CFH: variants seen among roughly 807,000 people sequenced by gnomAD.
CFH encodes the protein complement factor H.
CFH carries 53 observed loss-of-function variants against 147.3 expected under a neutral mutation model. That is an observed-to-expected ratio of 0.36 (90% CI 0.29 to 0.45). CFH has a LOEUF of 0.45. Ranked by LOEUF, CFH falls within the 20% of genes least tolerant of loss-of-function variation. The probability of loss-of-function intolerance (pLI) is 1.00; values close to 1 mark genes in which losing one functional copy is unlikely to be tolerated. For missense variants in CFH, 1,380 were observed against 1,498.0 expected (o/e 0.92, Z 1.30); for synonymous variants, 536 against 489.4 (o/e 1.10, Z -1.26).
rs147698841 is a variant in CFH at position 196,667,184 on chromosome 1, G to A, written c.59-5794G>A. 1.2e-3 allele frequency among the ~76,000 whole-genome samples: 179 copies of A among 152,252 alleles called. 3 individuals are homozygous for A. In the East Asian group the frequency reaches 0.032, roughly 28 times the overall value. On this transcript the variant is annotated intron_variant, in intron 1 of 21. Transcript: ENST00000367429. ...TATGCAAAGAGGCATGCTGGTAAAT[G>A]TAAAACAACCAACTATTTTTTAAAA...
intron 11 of CFH, among the ~76,000 whole-genome samples, chr1:196,720,610 T>A (rs911603267): frequency 6.6e-6 from 1 of 151,980 alleles, no homozygotes; most frequent in Non-Finnish European, 1.5e-5. Flanking sequence ...TCTGAAGGCA[T>A]GATTTTATTC....
intron 1 of CFH, among the ~76,000 whole-genome samples, chr1:196,655,304 A>G (rs1666650128): frequency 6.6e-6 from 1 of 152,168 alleles, no homozygotes; most frequent in East Asian, 1.9e-4. Context: ...AGTGAGTGCT[A>G]TAAGAGAAGG....
chr1:196,727,035 T>C, intron 14 of CFH, 95 bp downstream of exon 14: 2 of 1,086,762 alleles, frequency 1.8e-6, no homozygotes, highest in Admixed American at 1.8e-5. Flanking sequence ...TTTACAGATA[T>C]GCCTCAACAT....
intron 19 of CFH, 102 bp downstream of exon 19, chr1:196,742,153 T>C: frequency 2.8e-6 from 3 of 1,069,102 alleles, no homozygotes; most frequent in Non-Finnish European, 4.2e-6. Context: ...GGTGGGCGGA[T>C]CACTTGAGGT....
Position 196,743,550 on chromosome 1 carries a change from A to T in CFH, c.3232A>T (p.Arg1078Trp), listed in dbSNP as rs754045401. ...PSGERVRYQCRSPYEMFGDEE... is the reference protein window; with the variant it reads ...PSGERVRYQCWSPYEMFGDEE... ...TGGTGAGAGAGTACGTTATCAATGT[A>T]GGAGCCCTTATGAAATGTTTGGGGA... The change falls in exon 20 of 22, where the codon AGG becomes TGG. Residue 1078 changes from arginine to tryptophan, a missense_variant. Physicochemically the swap from Arg to Trp is moderately radical, Grantham distance 101. Coordinates refer to ENST00000367429, the MANE Select transcript of CFH (RefSeq NM_000186.4). The T allele has an allele frequency of 1.2e-6, 2 of 1,614,086 alleles. No homozygotes were observed. The highest frequency in any genetic ancestry group is 1.1e-5 in the South Asian group (1 of 91,084).
intron 1 of CFH, among the ~76,000 whole-genome samples, chr1:196,656,532 C>T (rs895855842): frequency 2.6e-5 from 4 of 152,072 alleles, no homozygotes; most frequent in Admixed American, 6.6e-5. Flanking sequence ...CTGTCTACTA[C>T]GCTTTTTCCA....
At chr1:196,704,376 A>G (rs887058231) in intron 9 of CFH, among the ~76,000 whole-genome samples, 2 of 152,182 alleles carry the variant, frequency 1.3e-5, no homozygotes, top group Non-Finnish European at 2.9e-5. Flanking sequence ...AGCTGGGATT[A>G]CAGGTGTGAG....
intron 1 of CFH, among the ~76,000 whole-genome samples, chr1:196,664,114 G>C (rs1666997718): frequency 6.6e-6 from 1 of 152,042 alleles, no homozygotes; most frequent in African/African-American, 2.4e-5. Flanking sequence ...GGAGTGCGGT[G>C]ACATGATCAT....
Position 196,713,723 on chromosome 1 carries a change from CT to C in CFH, c.1337-10del. The C allele has an allele frequency of 6.6e-7, 1 of 1,525,504 alleles. No homozygotes were observed. The highest frequency in any genetic ancestry group is 1.7e-5 in the Admixed American group (1 of 58,938). The allele number at this position is 1,525,504 out of a possible 1,614,324, so 94.5% of individuals were successfully genotyped here. A position where few individuals can be genotyped will look rare whatever the true frequency, so the allele number is the denominator to read the frequency against. On this transcript the variant is annotated splice_polypyrimidine_tract_variant and intron_variant, in intron 9 of 21. Coordinates refer to ENST00000367429, the MANE Select transcript of CFH (RefSeq NM_000186.4). Reference sequence around the variant, plus strand: ...CATATGCTTGTCTTTTTCTTATTCTCTTCCCTTTTAGAAACATGTTCCAAAT... The same window carrying C: ...CATATGCTTGTCTTTTTCTTATTCTCTCCCTTTTAGAAACATGTTCCAAAT...
chr1:196,697,354 C>G (rs1344795108), intron 9 of CFH, among the ~76,000 whole-genome samples: 1 of 152,168 alleles, frequency 6.6e-6, no homozygotes, highest in Admixed American at 6.5e-5. Flanking sequence ...AGGATATGAA[C>G]AGACACTTCT....
At chr1:196,721,613 AT>A (rs1558176737) in intron 11 of CFH, among the ~76,000 whole-genome samples, 1 of 151,812 alleles carries the variant, frequency 6.6e-6, no homozygotes, top group South Asian at 2.1e-4. Flanking sequence ...TTCTTTGTTT[AT>A]TTTTTTGTCC....
chr1:196,727,724 TC>T (rs759382392), intron 14 of CFH, among the ~76,000 whole-genome samples: 179 of 152,166 alleles, frequency 1.2e-3, no homozygotes, highest in Non-Finnish European at 9.8e-4. Flanking sequence ...TTCAGTTTGT[TC>T]CATATCAGCC....
intron 12 of CFH, 136 bp downstream of exon 12, chr1:196,725,433 T>G: frequency 1.3e-6 from 1 of 775,766 alleles, no homozygotes; most frequent in Non-Finnish European, 2.2e-6. Flanking sequence ...GAAGGACATG[T>G]ATTGAGTACT....
intron 4 of CFH, among the ~76,000 whole-genome samples, chr1:196,676,652 A>G (rs1173610070): frequency 2.5e-4 from 38 of 152,246 alleles, no homozygotes. Flanking sequence ...AAATAAAAGA[A>G]ATCAACCAGA....
chr1:196,724,004 C>A (rs577785711), intron 11 of CFH, among the ~76,000 whole-genome samples: 1 of 152,192 alleles, frequency 6.6e-6, no homozygotes, highest in East Asian at 2.0e-4. Flanking sequence ...GATCTATACT[C>A]CTCCCTTGCA....
intron 15 of CFH, among the ~76,000 whole-genome samples, chr1:196,731,377 T>C (rs181711488): frequency 3.8e-4 from 58 of 152,064 alleles, no homozygotes; most frequent in Admixed American, 7.2e-4. Context: ...TTTGATTACA[T>C]ATAAAATATC....
intron 9 of CFH, among the ~76,000 whole-genome samples, chr1:196,701,148 T>A (rs1460574180): frequency 6.6e-6 from 1 of 152,164 alleles, no homozygotes; most frequent in Non-Finnish European, 1.5e-5. Flanking sequence ...TTGTTATATG[T>A]ATTTATGTTT....
In CFH at chr1:196,666,168, C is replaced by T. The variant is rs780299952; in HGVS notation, c.59-6810C>T. On this transcript the variant is annotated intron_variant, in intron 1 of 21. Transcript: ENST00000367429. ...TGCCAGTATAGGTCACATCCATGCCCGGTAACAACAGAATTGGGTATCCTT... is the reference window on the plus strand; with the variant it reads ...TGCCAGTATAGGTCACATCCATGCCTGGTAACAACAGAATTGGGTATCCTT... Among the ~76,000 whole-genome samples, 59 of 152,088 alleles carry T rather than the reference C, an allele frequency of 3.9e-4. 1 individual carries two copies. Among genetic ancestry groups the T allele is most frequent in the Non-Finnish European group, 1.3e-4 (9 of 68,014 alleles).
At chr1:196,698,479 G>A (rs1461926701) in intron 9 of CFH, among the ~76,000 whole-genome samples, 1 of 152,092 alleles carries the variant, frequency 6.6e-6, no homozygotes, top group Non-Finnish European at 1.5e-5. Flanking sequence ...TGGAAGAAAT[G>A]GATAAATTCC....
Sources: allele counts gnomAD v4.1 joint callset (sites outside exome capture counted in the v4.1 genomes callset), GRCh38; gene constraint gnomAD v4.1.1; transcripts MANE v1.5; gene names NCBI Gene and HGNC (gene_info 2026-07-23, HGNC 2026-07-21).